Variants in DGKB observed in about 807,000 individuals in gnomAD.
DGKB encodes 90 kDa diacylglycerol kinase.
In DGKB, 67 loss-of-function variants were observed where a neutral mutation model predicts 114.3. That is an observed-to-expected ratio of 0.59 (90% confidence interval 0.48 to 0.72). The LOEUF (loss-of-function observed/expected upper bound fraction) is 0.72, where lower values mean the gene tolerates loss of function less well. Among genes scored for constraint, DGKB ranks in the 30% least tolerant of loss-of-function variants. DGKB has a pLI of 0.00. For synonymous variants in DGKB, 398 were observed against 323.1 expected (o/e 1.23, Z -2.49); for missense variants, 907 against 975.2 (o/e 0.93, Z 0.93).
chr7:14,667,820 C>T (rs980866763), intron 13 of DGKB, among the ~76,000 whole-genome samples: 1 of 151,990 alleles, frequency 6.6e-6, no homozygotes, highest in Non-Finnish European at 1.5e-5. Flanking sequence ...ATTTTTATTC[C>T]GTGACAAGAA....
intron 5 of DGKB, among the ~76,000 whole-genome samples, chr7:14,726,331 G>T (rs2128372964): frequency 6.6e-6 from 1 of 151,820 alleles, no homozygotes; most frequent in South Asian, 2.1e-4. Flanking sequence ...GTAGAGACGG[G>T]GTTTTTTTAT....
intron 21 of DGKB, among the ~76,000 whole-genome samples, chr7:14,447,260 G>A (rs565120094): frequency 6.6e-6 from 1 of 152,122 alleles, no homozygotes; most frequent in African/African-American, 2.4e-5. Flanking sequence ...CCCTCTTTTG[G>A]GGCCCCTCTA....
intron 4 of DGKB, among the ~76,000 whole-genome samples, chr7:14,741,924 G>T (rs1454926500): frequency 6.6e-6 from 1 of 152,134 alleles, no homozygotes; most frequent in Non-Finnish European, 1.5e-5. Context: ...ATATTTAAAA[G>T]ACCTTTATGT....
intron 9 of DGKB, among the ~76,000 whole-genome samples, chr7:14,692,515 A>G (rs1465721302): frequency 3.3e-5 from 5 of 152,020 alleles, no homozygotes; most frequent in East Asian, 1.9e-4. Context: ...TCTGATTTAC[A>G]TAATGGTTTT....
intron 23 of DGKB, among the ~76,000 whole-genome samples, chr7:14,294,409 C>T (rs973362689): frequency 6.6e-6 from 1 of 152,090 alleles, no homozygotes; most frequent in Non-Finnish European, 1.5e-5. Context: ...AGATGACTAT[C>T]CACTATCCCT....
chr7:14,565,209 C>A (rs879567763), intron 20 of DGKB, among the ~76,000 whole-genome samples: 1 of 152,088 alleles, frequency 6.6e-6, no homozygotes, highest in Non-Finnish European at 1.5e-5. Flanking sequence ...CATTATGTAA[C>A]AAAGTCTGGC....
Position 14,338,506 on chromosome 7 carries a change from A to G in DGKB, c.2122+9T>C, listed in dbSNP as rs139327681. ...AAGCAATTTAACAACTAATTGTTAG[A>G]AAACTGACCTTGACTTGCAAACTTC... On this transcript the variant is annotated intron_variant, in intron 23 of 25. Coordinates refer to ENST00000402815, the MANE Select transcript of DGKB (RefSeq NM_001350709.2). 1.9e-6 allele frequency: 3 copies of G among 1,540,624 alleles called. No individual in the cohort carries two copies. The highest frequency in any genetic ancestry group is 4.2e-5 in the Admixed American group (2 of 47,986).
chr7:14,753,979 T>A (rs1378274857), intron 3 of DGKB, 31 bp from the exon 4 acceptor site: 2 of 1,442,766 alleles, frequency 1.4e-6, no homozygotes, highest in Admixed American at 1.9e-5. Context: ...AGAATACATG[T>A]GTTAATGTAA....
chr7:14,649,425 C>T (rs1813916905), intron 13 of DGKB, among the ~76,000 whole-genome samples: 2 of 150,240 alleles, frequency 1.3e-5, no homozygotes, highest in Admixed American at 6.6e-5. Flanking sequence ...AAATAAAATA[C>T]TTTACAGACA....
intron 20 of DGKB, among the ~76,000 whole-genome samples, chr7:14,529,724 T>C (rs1377932405): frequency 6.6e-6 from 1 of 151,828 alleles, no homozygotes; most frequent in East Asian, 1.9e-4. Context: ...AATATCATAA[T>C]TTTTTAGTGA....
At chr7:14,484,653 C>T (rs1783501024) in intron 20 of DGKB, among the ~76,000 whole-genome samples, 1 of 152,194 alleles carries the variant, frequency 6.6e-6, no homozygotes, top group Admixed American at 6.5e-5. Context: ...CCAATTAAAT[C>T]TCTTTTCTTA....
chr7:14,471,123 C>A (rs1020471601), intron 21 of DGKB, among the ~76,000 whole-genome samples: 1 of 148,854 alleles, frequency 6.7e-6, no homozygotes, highest in Non-Finnish European at 1.5e-5. Context: ...AAAAAATACA[C>A]AGGTTTGATT....
chr7:14,956,737 A>T (rs189615747), intron 1 of DGKB, among the ~76,000 whole-genome samples: 163 of 152,134 alleles, frequency 1.1e-3, no homozygotes, highest in African/African-American at 3.8e-3. Flanking sequence ...GGAGAAGAAG[A>T]TAATATAACC....
chr7:14,500,919 G>A (rs1786070070), intron 20 of DGKB, among the ~76,000 whole-genome samples: 1 of 151,710 alleles, frequency 6.6e-6, no homozygotes, highest in African/African-American at 2.4e-5. Flanking sequence ...AACATTTCTA[G>A]GCAAAATGTA....
intron 21 of DGKB, among the ~76,000 whole-genome samples, chr7:14,377,532 A>T: frequency 6.6e-6 from 1 of 152,182 alleles, no homozygotes; most frequent in African/African-American, 2.4e-5. Flanking sequence ...CTTCTAAATA[A>T]TCATTCTTAT....
intron 20 of DGKB, among the ~76,000 whole-genome samples, chr7:14,508,277 T>G (rs1246049857): frequency 1.3e-5 from 2 of 152,196 alleles, no homozygotes; most frequent in Non-Finnish European, 2.9e-5. Flanking sequence ...CTCTTCTGCC[T>G]GCTTGATCAA....
intron 23 of DGKB, among the ~76,000 whole-genome samples, chr7:14,290,520 T>A (rs149074509): frequency 6.6e-6 from 1 of 152,242 alleles, no homozygotes; most frequent in East Asian, 1.9e-4. Flanking sequence ...AGTTGTCAAT[T>A]GGCTTCATCT....
At chr7:14,806,891 G>T (rs1050145162) in intron 2 of DGKB, among the ~76,000 whole-genome samples, 2 of 151,870 alleles carry the variant, frequency 1.3e-5, no homozygotes, top group Non-Finnish European at 2.9e-5. Context: ...TTTGTTGTAG[G>T]GATAAGCAAG....
intron 21 of DGKB, among the ~76,000 whole-genome samples, chr7:14,392,982 G>GTTTTTTTTTTTTTTTTTTTTTTT (rs1298052301): frequency 7.3e-5 from 2 of 27,482 alleles, no homozygotes; most frequent in East Asian, 8.5e-4. Context: ...AAACAGACCT[G>GTTTTTTTTTTTTTTTTTTTTTTT]TTTTTTGTTT....
Sources: allele counts gnomAD v4.1 joint callset (sites outside exome capture counted in the v4.1 genomes callset), GRCh38; gene constraint gnomAD v4.1.1; transcripts MANE v1.5; gene names NCBI Gene and HGNC (gene_info 2026-07-23, HGNC 2026-07-21).